Variants in PAX9 observed in about 807,000 individuals in gnomAD.
PAX9 encodes the protein paired box protein Pax-9.
A neutral mutation model predicts 29.1 loss-of-function variants in PAX9; 6 were observed. The observed-to-expected ratio is 0.21, with a 90% CI of 0.11 to 0.41. PAX9 has a LOEUF of 0.41. Ranked by LOEUF, PAX9 falls within the 10% of genes least tolerant of loss-of-function variation. PAX9 has a pLI of 1.00. For missense variants in PAX9, 443 were observed against 479.1 expected (o/e 0.92, Z 0.70); for synonymous variants, 217 against 211.7 (o/e 1.03, Z -0.22).
chr14:36,679,176 T>C lies in PAX9; in HGVS notation c.*2724T>C, dbSNP rs1471294259. On this transcript the variant is annotated 3_prime_UTR_variant, in exon 4 of 4. Coordinates refer to ENST00000361487, the MANE Select transcript of PAX9 (RefSeq NM_001372076.1). The stretch of plus-strand genomic sequence containing the variant: ...GTTGTGCAACAGAGACACATTCTTA[T>C]TTCTTTTTTTTCACAATTTTGTTTT... 3.0e-6 allele frequency: 3 copies of C among 985,116 alleles called. No individual in the cohort carries two copies. In the African/African-American group the frequency reaches 5.2e-5, roughly 17 times the overall value. 61.0% of individuals were successfully genotyped at this position (985,116 alleles called of 1,614,324 possible). A position where few individuals can be genotyped will look rare whatever the true frequency, so the allele number is the denominator to read the frequency against.
At chr14:36,662,753 A>C in intron 1 of PAX9, 144 bp from the exon 2 acceptor site, 85 of 919,456 alleles carry the variant, frequency 9.2e-5, no homozygotes, top group Non-Finnish European at 1.3e-4. Flanking sequence ...ATGTTCAGGG[A>C]CCATATGGTT....
At chr14:36,666,679 C>G (rs1241530041) in intron 3 of PAX9, 78 bp downstream of exon 3, 3 of 1,507,254 alleles carry the variant, frequency 2.0e-6, no homozygotes, top group Non-Finnish European at 2.7e-6. Flanking sequence ...TGATGGGTCC[C>G]TTTCTGAGCT....
rs1881968615 is a variant in PAX9, at chr14:36,677,764, C to T, written c.*1312C>T. 1 of 152,176 alleles carries T rather than the reference C, an allele frequency of 6.6e-6. No individual in the cohort carries two copies. The highest frequency in any genetic ancestry group is 2.4e-5 in the African/African-American group (1 of 41,426). 9.4% of individuals were successfully genotyped at this position (152,176 alleles called of 1,614,324 possible). A position where few individuals can be genotyped will look rare whatever the true frequency, so the allele number is the denominator to read the frequency against. On this transcript the variant is annotated 3_prime_UTR_variant, in exon 4 of 4. Transcript: ENST00000361487. ...ATGTTATTTAATTTTAACAAATTCCCTTTATTCATTTCTGAAATTACAGGA... is the reference window on the plus strand; with the variant it reads ...ATGTTATTTAATTTTAACAAATTCCTTTTATTCATTTCTGAAATTACAGGA...
chr14:36,669,597 A>G (rs1881635022), intron 3 of PAX9, among the ~76,000 whole-genome samples: 1 of 152,192 alleles, frequency 6.6e-6, no homozygotes, highest in Non-Finnish European at 1.5e-5. Context: ...GGACATCTGT[A>G]GAATTACCAA....
intron 3 of PAX9, among the ~76,000 whole-genome samples, chr14:36,668,996 C>A (rs142326980): frequency 0.016 from 2,440 of 152,024 alleles, 34 homozygotes; most frequent in South Asian, 0.032. Flanking sequence ...CTTACATTTG[C>A]GAAGTTCTTA....
chr14:36,658,845 G>C (rs1004935250), upstream of PAX9: 1 of 152,352 alleles, frequency 6.6e-6, no homozygotes, highest in Admixed American at 6.5e-5. Flanking sequence ...CGATGCTGGG[G>C]TCTAAAGCTT....
Position 36,676,554 on chromosome 14 carries a change from C to T in PAX9, c.*102C>T. Reference sequence around the variant, plus strand: ...ATCCCACCCCTCCTGCCCTCCAACCCTTCTGCCTTGAAAGCTGGCTGTACG... The same window carrying T: ...ATCCCACCCCTCCTGCCCTCCAACCTTTCTGCCTTGAAAGCTGGCTGTACG... On this transcript the variant is annotated 3_prime_UTR_variant, in exon 4 of 4. Transcript: ENST00000361487. The T allele has an allele frequency of 7.3e-7, 1 of 1,372,928 alleles. No individual in the cohort carries two copies. The highest frequency in any genetic ancestry group is 1.9e-5 in the Admixed American group (1 of 52,936). 85.0% of individuals were successfully genotyped at this position (1,372,928 alleles called of 1,614,324 possible).
intron 2 of PAX9, chr14:36,666,240 A>G (rs1881482352): frequency 3.5e-6 from 2 of 575,158 alleles, no homozygotes; most frequent in Non-Finnish European, 6.1e-6. Context: ...CGTGGGTCAG[A>G]GAATTTGGAA....
At chr14:36,667,281 C>G (rs1199404632) in intron 3 of PAX9, among the ~76,000 whole-genome samples, 3 of 151,782 alleles carry the variant, frequency 2.0e-5, no homozygotes, top group Non-Finnish European at 4.4e-5. Flanking sequence ...TCTTTCCCTC[C>G]GTCCCTCCCT....
chr14:36,668,535 C>G (rs1031682958), intron 3 of PAX9, among the ~76,000 whole-genome samples: 4 of 152,156 alleles, frequency 2.6e-5, no homozygotes, highest in Admixed American at 2.6e-4. Context: ...ATTACAGGCA[C>G]GCGCCGCCAC....
upstream of PAX9, among the ~76,000 whole-genome samples, chr14:36,660,609 G>C (rs1248201903): frequency 6.6e-6 from 1 of 151,992 alleles, no homozygotes; most frequent in Non-Finnish European, 1.5e-5. Context: ...GGTGTAGACC[G>C]CAGCCACACA....
chr14:36,662,859 G>T (rs1358635400), intron 1 of PAX9, 38 bp from the exon 2 acceptor site: 3 of 1,587,618 alleles, frequency 1.9e-6, no homozygotes, highest in Non-Finnish European at 2.6e-6. Context: ...CCCAAGCAGC[G>T]GGTGCGCGTC....
At chr14:36,661,542 C>T (rs535319332), upstream of PAX9, among the ~76,000 whole-genome samples, 181 of 152,314 alleles carry the variant, frequency 1.2e-3, 3 homozygotes, top group South Asian at 0.014. Context: ...CATCGTTCCC[C>T]GGAGGAGGTC....
chr14:36,658,852 G>A (rs892348456), upstream of PAX9: 1 of 152,326 alleles, frequency 6.6e-6, no homozygotes, highest in Non-Finnish European at 1.5e-5. Flanking sequence ...GGGGTCTAAA[G>A]CTTCCCCAGC....
chr14:36,675,441 C>T (rs1027072786), intron 3 of PAX9, among the ~76,000 whole-genome samples: 13 of 152,184 alleles, frequency 8.5e-5, no homozygotes, highest in Non-Finnish European at 1.3e-4. Flanking sequence ...GATTTATCCA[C>T]GTGGCTTTTA....
chr14:36,664,568 G>GGTTTTTT (rs1161471989), intron 2 of PAX9, among the ~76,000 whole-genome samples: 3,531 of 141,878 alleles, frequency 0.025, 62 homozygotes, highest in African/African-American at 0.056. Context: ...CTTTTACTGA[G>GGTTTTTT]TTTTTTTTTT....
At chr14:36,660,750 C>T (rs1881226220), upstream of PAX9, among the ~76,000 whole-genome samples, 1 of 152,184 alleles carries the variant, frequency 6.6e-6, no homozygotes, top group Non-Finnish European at 1.5e-5. Flanking sequence ...AAATATTTCT[C>T]TTCTTGTTTA....
At chr14:36,672,852 C>CTTTTTTTTT (rs3061562) in intron 3 of PAX9, among the ~76,000 whole-genome samples, 473 of 19,166 alleles carry the variant, frequency 0.025, 166 homozygotes, top group Middle Eastern at 0.077. Context: ...TTCTTTCTTC[C>CTTTTTTTTT]TTTTTTTTTT....
upstream of PAX9, among the ~76,000 whole-genome samples, chr14:36,659,204 G>A (rs1881161239): frequency 6.6e-6 from 1 of 152,246 alleles, no homozygotes; most frequent in Non-Finnish European, 1.5e-5. Context: ...AGTCCAGAGT[G>A]AGCAGTGTAA....
Sources: gnomAD v4.1 joint callset for allele counts (sites outside exome capture counted in the v4.1 genomes callset) on GRCh38, gnomAD v4.1.1 for gene constraint, MANE v1.5 for transcripts, NCBI Gene and HGNC (gene_info 2026-07-23, HGNC 2026-07-21) for gene names.